Variants in TOP2B observed in about 807,000 individuals in gnomAD.
The protein encoded by TOP2B is DNA topoisomerase II beta.
Under a neutral mutation model 193.5 loss-of-function variants are expected in TOP2B, and 51 were observed. The observed-to-expected ratio is 0.26, with a 90% confidence interval of 0.21 to 0.33. TOP2B has a LOEUF of 0.33. Among genes scored for constraint, TOP2B ranks in the 10% least tolerant of loss-of-function variants. The pLI is 1.00. For missense variants in TOP2B, 1,378 were observed against 1,909.3 expected (o/e 0.72, Z 5.19); for synonymous variants, 634 against 635.7 (o/e 1.00, Z 0.04).
chr3:25,654,483 A>T (rs764926942), intron 1 of TOP2B, among the ~76,000 whole-genome samples: 2 of 152,190 alleles, frequency 1.3e-5, no homozygotes, highest in African/African-American at 2.4e-5. Context: ...AAAAGCTTAA[A>T]ATATTGTTAA....
At chr3:25,605,693 A>C (rs1397115681) in intron 32 of TOP2B, among the ~76,000 whole-genome samples, 1 of 152,174 alleles carries the variant, frequency 6.6e-6, no homozygotes, top group South Asian at 2.1e-4. Flanking sequence ...GATTTAGAAA[A>C]CTGTCGTATA....
In TOP2B at chr3:25,663,825, T is replaced by A. The variant is rs190560904; in HGVS notation, c.69+404A>T. 4.9e-4 allele frequency among the ~76,000 whole-genome samples: 75 copies of A among 151,990 alleles called. 1 individual carries two copies. In the East Asian group the frequency reaches 0.015, roughly 29 times the overall value. On this transcript the variant is annotated intron_variant, in intron 1 of 35. Transcript: ENST00000264331. ...AATACACACACACACACACCCCTTT[T>A]CCCAGGGTTTTCTTGAACTACATTT...
chr3:25,606,689 T>A (rs1001234891), intron 31 of TOP2B, among the ~76,000 whole-genome samples: 24 of 152,070 alleles, frequency 1.6e-4, no homozygotes, highest in African/African-American at 5.8e-4. Context: ...CCAGATGTAT[T>A]CACGCTCACC....
chr3:25,640,203 A>C (rs1703217194), intron 4 of TOP2B, among the ~76,000 whole-genome samples: 1 of 152,224 alleles, frequency 6.6e-6, no homozygotes, highest in South Asian at 2.1e-4. Flanking sequence ...CTATGGGACA[A>C]AATTCACAAG....
At position 25,636,050 on chromosome 3, in the gene TOP2B, T is replaced by C; in HGVS notation, c.738A>G (p.Lys246=). The part of the protein sequence containing the change: ...TCITFQPDLS[K]FKMEKLDKDI... ...CCTTGTCAAGTTTTTCCATCTTAAA[T>C]TTGGACAGATCTGGTTGGAATGTTA... Residue 246 remains lysine (K), a synonymous_variant, in exon 7 of 36, where the codon AAA becomes AAG. Coordinates refer to ENST00000264331, the MANE Select transcript of TOP2B (RefSeq NM_001330700.2). 1.2e-6 allele frequency: 2 copies of C among 1,613,418 alleles called. No homozygotes were observed. The highest frequency in any genetic ancestry group is 2.2e-5 in the East Asian group (1 of 44,846).
chr3:25,664,343 C>T lies in TOP2B; in HGVS notation c.-46G>A, dbSNP rs1200636968. 6.3e-6 allele frequency: 9 copies of T among 1,428,052 alleles called. No homozygotes were observed. The highest frequency in any genetic ancestry group is 1.5e-5 in the African/African-American group (1 of 66,612). The allele number at this position is 1,428,052 out of a possible 1,614,324, so 88.5% of individuals were successfully genotyped here. ...AGGCCCTGAGGCCGCAGCCGCCGCT[C>T]CCGCCTCCCTGCGGGCCGCTGGGCC... On this transcript the variant is annotated 5_prime_UTR_variant, in exon 1 of 36. Transcript: ENST00000264331.
At chr3:25,619,802 T>C in intron 23 of TOP2B, 60 bp downstream of exon 23, 2 of 1,273,224 alleles carry the variant, frequency 1.6e-6, no homozygotes, top group South Asian at 1.3e-5. Context: ...AAACCAATTA[T>C]AATAATCCGA....
intron 3 of TOP2B, among the ~76,000 whole-genome samples, chr3:25,643,074 G>C (rs1188836615): frequency 6.6e-6 from 1 of 152,142 alleles, no homozygotes; most frequent in Non-Finnish European, 1.5e-5. Context: ...AATACCAACA[G>C]AAGAAGTTCT....
intron 1 of TOP2B, among the ~76,000 whole-genome samples, chr3:25,658,191 T>C (rs1324771439): frequency 1.3e-5 from 2 of 151,698 alleles, no homozygotes; most frequent in African/African-American, 2.4e-5. Context: ...ACAGCGCCAC[T>C]GCACCCCAAC....
chr3:25,609,996 T>C (rs1702327970), intron 28 of TOP2B, among the ~76,000 whole-genome samples: 1 of 151,882 alleles, frequency 6.6e-6, no homozygotes, highest in Non-Finnish European at 1.5e-5. Context: ...ATCAGAGGGA[T>C]TTCCAGACCA....
intron 1 of TOP2B, among the ~76,000 whole-genome samples, chr3:25,651,741 C>T (rs1345019407): frequency 6.6e-6 from 1 of 151,898 alleles, no homozygotes; most frequent in Non-Finnish European, 1.5e-5. Flanking sequence ...GTGGCAGCCA[C>T]CTGTAATCCC....
chr3:25,599,357 A>T, intron 35 of TOP2B, 78 bp downstream of exon 35: 1 of 1,351,928 alleles, frequency 7.4e-7, no homozygotes, highest in Non-Finnish European at 1.0e-6. Flanking sequence ...CCAGGACTAT[A>T]GTCATAAGCA....
rs746857248 is a variant in TOP2B, at chr3:25,607,305, G to GTCA, written c.4161_4163dup (p.Asp1388dup). 51 of 1,555,434 alleles carry GTCA rather than the reference G, an allele frequency of 3.3e-5. No individual in the cohort carries two copies. The highest frequency in any genetic ancestry group is 1.6e-4 in the African/African-American group (12 of 73,240). ...CTTTCAATTCCTCTAAATCATTATT[G>GTCA]TCATCATCATCATCATCAGCATCAT... is the stretch of plus-strand genomic sequence containing the variant. On this transcript the variant is annotated inframe_insertion, in exon 31 of 36. Transcript: ENST00000264331.
rs758347808 is a variant in TOP2B, at chr3:25,604,755, C to A, written c.4489+5G>T. On this transcript the variant is annotated splice_donor_5th_base_variant and intron_variant, in intron 33 of 35. Coordinates refer to ENST00000264331, the MANE Select transcript of TOP2B (RefSeq NM_001330700.2). ...TGCTTAACTCAATCAAATATAAGTA[C>A]ATACCCTTTTTAGCAGCTACCGTTT... 3.1e-6 allele frequency: 5 copies of A among 1,598,038 alleles called. No homozygotes were observed. In the East Asian group the frequency reaches 1.1e-4, roughly 36 times the overall value.
intron 8 of TOP2B, 106 bp downstream of exon 8, chr3:25,633,735 A>G (rs1703023849): frequency 5.2e-6 from 5 of 955,090 alleles, no homozygotes; most frequent in Non-Finnish European, 7.4e-6. Context: ...TTTAACAAAA[A>G]CAGATTTGGG....
intron 7 of TOP2B, among the ~76,000 whole-genome samples, chr3:25,634,987 G>A (rs1422437041): frequency 6.6e-6 from 1 of 152,004 alleles, no homozygotes; most frequent in Non-Finnish European, 1.5e-5. Context: ...CAAAGACTGG[G>A]ATGTAATGAG....
intron 32 of TOP2B, among the ~76,000 whole-genome samples, 153 bp downstream of exon 32, chr3:25,605,885 TAAAGA>T (rs1420758080): frequency 6.6e-6 from 1 of 152,064 alleles, no homozygotes; most frequent in African/African-American, 2.4e-5. Flanking sequence ...TCAGAAAAAG[TAAAGA>T]AGCCTTATTA....
chr3:25,620,561 A>G, intron 22 of TOP2B, 121 bp downstream of exon 22: 1 of 994,768 alleles, frequency 1.0e-6, no homozygotes, highest in Non-Finnish European at 1.4e-6. Flanking sequence ...GGGTAAAAGA[A>G]GGTACAGGAA....
rs372227150 is a variant in TOP2B at position 25,641,315 on chromosome 3, A to G, written c.395+1007T>C. ...AAAAATTCAAAGATATCAAACATTC[A>G]GTGTCTATTACTCCTTACTCTCCTA... is the stretch of plus-strand genomic sequence containing the variant. On this transcript the variant is annotated intron_variant, in intron 4 of 35. Transcript: ENST00000264331. Among the ~76,000 whole-genome samples the G allele has an allele frequency of 2.4e-4, 37 of 152,316 alleles. No individual in the cohort carries two copies. In the South Asian group the frequency reaches 7.3e-3, roughly 30 times the overall value.
Sources: gnomAD v4.1 joint callset for allele counts (sites outside exome capture counted in the v4.1 genomes callset) on GRCh38, gnomAD v4.1.1 for gene constraint, MANE v1.5 for transcripts, NCBI Gene and HGNC (gene_info 2026-07-23, HGNC 2026-07-21) for gene names.